The following NR2F1-AS1 variants were observed in gnomAD, a reference collection of about 807,000 sequenced individuals.
NR2F1-AS1 encodes NR2F1 regulatory antisense RNA 1, also known as NR2F1 antisense RNA 1.
chr5:93,562,195 A>AAAAAAAAAAAAAAAGAAAAGAAAAG (rs755007063), intron 2 of NR2F1-AS1, among the ~76,000 whole-genome samples: 2 of 136,654 alleles, frequency 1.5e-5, no homozygotes, highest in African/African-American at 3.0e-5. Flanking sequence ...AAAAAAAAAA[A>AAAAAAAAAAAAAAAGAAAAGAAAAG]AAAAGAAAAG....
intron 4 of NR2F1-AS1, among the ~76,000 whole-genome samples, chr5:93,451,726 T>C (rs1420067513): frequency 1.3e-5 from 2 of 152,320 alleles, no homozygotes; most frequent in East Asian, 3.9e-4. Flanking sequence ...TTTAATTCTA[T>C]ATTGGTTTTT....
At chr5:93,465,054 C>T (rs200014494) in intron 4 of NR2F1-AS1, among the ~76,000 whole-genome samples, 1 of 152,216 alleles carries the variant, frequency 6.6e-6, no homozygotes, top group Non-Finnish European at 1.5e-5. Flanking sequence ...AGCTTTGCTG[C>T]AAAAGCCAAA....
intron 4 of NR2F1-AS1, among the ~76,000 whole-genome samples, chr5:93,484,390 C>A (rs568189347): frequency 6.6e-6 from 1 of 152,234 alleles, no homozygotes; most frequent in Non-Finnish European, 1.5e-5. Flanking sequence ...CCTTTACAGA[C>A]AAGCAAATGC....
At chr5:93,538,152 G>T (rs1751876274) in intron 4 of NR2F1-AS1, among the ~76,000 whole-genome samples, 1 of 152,090 alleles carries the variant, frequency 6.6e-6, no homozygotes, top group Non-Finnish European at 1.5e-5. Flanking sequence ...GAAAATGAAT[G>T]AATGAATGAA....
chr5:93,454,721 G>A (rs1192167045), intron 4 of NR2F1-AS1, among the ~76,000 whole-genome samples: 1 of 152,174 alleles, frequency 6.6e-6, no homozygotes, highest in East Asian at 1.9e-4. Context: ...GGGGTTAAAA[G>A]TTGAGTTGAT....
chr5:93,488,070 A>C (rs1264926434), intron 4 of NR2F1-AS1, among the ~76,000 whole-genome samples: 2 of 152,198 alleles, frequency 1.3e-5, no homozygotes, highest in Non-Finnish European at 2.9e-5. Flanking sequence ...CCCCTTCCTT[A>C]CACCTTACAC....
chr5:93,455,985 A>G (rs1176620311), intron 4 of NR2F1-AS1, among the ~76,000 whole-genome samples: 1 of 152,138 alleles, frequency 6.6e-6, no homozygotes, highest in Non-Finnish European at 1.5e-5. Context: ...GATGTCCTAC[A>G]TATGGAAAAA....
At chr5:93,473,151 A>G (rs1750404617) in intron 4 of NR2F1-AS1, among the ~76,000 whole-genome samples, 1 of 151,944 alleles carries the variant, frequency 6.6e-6, no homozygotes, top group Non-Finnish European at 1.5e-5. Context: ...ATTGCTACAG[A>G]CAATCAAGGA....
At chr5:93,566,154 T>A (rs1752613053) in intron 1 of NR2F1-AS1, among the ~76,000 whole-genome samples, 1 of 151,922 alleles carries the variant, frequency 6.6e-6, no homozygotes, top group Admixed American at 6.6e-5. Flanking sequence ...ATATCTGAAA[T>A]TTTCCAACAA....
intron 4 of NR2F1-AS1, chr5:93,423,281 A>G (rs1749129978): frequency 6.6e-6 from 1 of 152,150 alleles, no homozygotes; most frequent in Non-Finnish European, 1.5e-5. Flanking sequence ...TTTCATTTTA[A>G]TAATAATAAA....
intron 1 of NR2F1-AS1, among the ~76,000 whole-genome samples, chr5:93,568,279 CATA>C (rs1361832535): frequency 6.6e-6 from 1 of 152,106 alleles, no homozygotes; most frequent in East Asian, 1.9e-4. Flanking sequence ...TACAAATAAA[CATA>C]ATAAATGTAC....
chr5:93,575,013 GC>G (rs1197580937), intron 1 of NR2F1-AS1, among the ~76,000 whole-genome samples: 6 of 152,254 alleles, frequency 3.9e-5, no homozygotes, highest in African/African-American at 1.4e-4. Context: ...ATCGCCTGCA[GC>G]CTGGGGGGGT....
intron 4 of NR2F1-AS1, among the ~76,000 whole-genome samples, chr5:93,448,048 G>A (rs939483018): frequency 3.3e-5 from 5 of 152,066 alleles, no homozygotes; most frequent in East Asian, 1.9e-4. Flanking sequence ...AGGGCCTGTC[G>A]TGGGGTGGAG....
chr5:93,422,675 G>A (rs1561428512), intron 4 of NR2F1-AS1, among the ~76,000 whole-genome samples: 1 of 151,990 alleles, frequency 6.6e-6, no homozygotes, highest in Non-Finnish European at 1.5e-5. Flanking sequence ...TTTTTCATAG[G>A]TCTAGCTTTA....
intron 4 of NR2F1-AS1, among the ~76,000 whole-genome samples, chr5:93,448,383 A>G (rs1036945669): frequency 3.3e-5 from 5 of 152,318 alleles, no homozygotes; most frequent in African/African-American, 1.2e-4. Flanking sequence ...AATCAAAAGC[A>G]TTTTAATAAG....
At chr5:93,493,315 G>A (rs1750890076) in intron 4 of NR2F1-AS1, among the ~76,000 whole-genome samples, 1 of 151,720 alleles carries the variant, frequency 6.6e-6, no homozygotes, top group Non-Finnish European at 1.5e-5. Context: ...AAAATACCCA[G>A]GAATACATTT....
upstream of NR2F1-AS1, among the ~76,000 whole-genome samples, chr5:93,582,302 GGATT>G (rs765950245): frequency 6.6e-6 from 1 of 151,326 alleles, no homozygotes; most frequent in East Asian, 1.9e-4. Flanking sequence ...AGGAAAAATT[GGATT>G]GATTGGAAAG....
At chr5:93,512,762 A>G (rs1170429495) in intron 4 of NR2F1-AS1, among the ~76,000 whole-genome samples, 2 of 152,190 alleles carry the variant, frequency 1.3e-5, no homozygotes, top group East Asian at 3.8e-4. Flanking sequence ...AAGTGTCTAC[A>G]GTACTAAGCA....
At chr5:93,445,185 A>G (rs1749669224) in intron 4 of NR2F1-AS1, among the ~76,000 whole-genome samples, 1 of 152,244 alleles carries the variant, frequency 6.6e-6, no homozygotes. Flanking sequence ...GCAGACGGCA[A>G]GAAATAACTA....
Sources: allele counts gnomAD v4.1 joint callset (sites outside exome capture counted in the v4.1 genomes callset), GRCh38; gene constraint gnomAD v4.1.1; transcripts MANE v1.5; gene names NCBI Gene and HGNC (gene_info 2026-07-23, HGNC 2026-07-21).